Variants in EPB41L4A observed in about 807,000 individuals in gnomAD.
The protein encoded by EPB41L4A is erythrocyte membrane protein band 4.1 like 4A, also known as band 4.1-like protein 4A.
A neutral mutation model predicts 108.6 loss-of-function variants in EPB41L4A; 100 were observed. The observed-to-expected ratio is 0.92, with a 90% CI of 0.78 to 1.09. The LOEUF (loss-of-function observed/expected upper bound fraction) is 1.09, where lower values mean the gene tolerates loss of function less well. EPB41L4A is among the 50% of genes least tolerant of loss of function. The pLI is 0.00. For missense variants in EPB41L4A, 1,030 were observed against 842.7 expected (o/e 1.22, Z -2.75); for synonymous variants, 319 against 289.0 (o/e 1.10, Z -1.05).
intron 9 of EPB41L4A, chr5:112,256,977 C>T (rs1751143673): frequency 6.6e-6 from 1 of 152,142 alleles, no homozygotes; most frequent in Admixed American, 6.5e-5. Context: ...TGCATGAAAG[C>T]ATCTCTGAAT....
intron 1 of EPB41L4A, among the ~76,000 whole-genome samples, chr5:112,340,187 A>G (rs775051244): frequency 6.6e-6 from 1 of 152,182 alleles, no homozygotes; most frequent in Non-Finnish European, 1.5e-5. Context: ...GGAAAGGAAG[A>G]TCTACCCAAT....
At chr5:112,325,389 G>A (rs56293447) in intron 1 of EPB41L4A, among the ~76,000 whole-genome samples, 22,282 of 151,318 alleles carry the variant, frequency 0.15, 1,816 homozygotes, top group African/African-American at 0.2. Context: ...TGCAGTGAGC[G>A]GAGATAGCGC....
At chr5:112,312,555 A>G (rs955585506) in intron 1 of EPB41L4A, among the ~76,000 whole-genome samples, 4 of 152,186 alleles carry the variant, frequency 2.6e-5, no homozygotes, top group Non-Finnish European at 1.5e-5. Context: ...GAAATGCTGT[A>G]TTTCTGTCAC....
At chr5:112,215,436 G>A (rs2150323131) in intron 12 of EPB41L4A, among the ~76,000 whole-genome samples, 1 of 152,262 alleles carries the variant, frequency 6.6e-6, no homozygotes. Context: ...AATCAAGAGT[G>A]TCCAATTCAT....
intron 22 of EPB41L4A, among the ~76,000 whole-genome samples, chr5:112,167,474 A>C (rs1760320093): frequency 6.6e-6 from 1 of 152,182 alleles, no homozygotes. Context: ...TTCATTCTCT[A>C]GCTGCTGGGA....
intron 1 of EPB41L4A, among the ~76,000 whole-genome samples, chr5:112,346,562 A>G (rs926118381): frequency 6.6e-5 from 10 of 152,202 alleles, no homozygotes; most frequent in Admixed American, 4.6e-4. Context: ...AAGTGAAAGA[A>G]CTAATAAAAT....
intron 9 of EPB41L4A, among the ~76,000 whole-genome samples, chr5:112,244,499 C>T (rs988468068): frequency 2.0e-5 from 3 of 152,042 alleles, no homozygotes; most frequent in Non-Finnish European, 4.4e-5. Context: ...GAGAAAGAGA[C>T]GTCTGAAAAA....
chr5:112,364,132 T>C (rs1036990866), intron 1 of EPB41L4A, among the ~76,000 whole-genome samples: 5 of 152,182 alleles, frequency 3.3e-5, no homozygotes, highest in Admixed American at 3.3e-4. Flanking sequence ...GGTTAAGCAA[T>C]TCTTCAGCCT....
intron 1 of EPB41L4A, among the ~76,000 whole-genome samples, chr5:112,329,550 TA>T (rs1488518180): frequency 6.6e-6 from 1 of 152,182 alleles, no homozygotes; most frequent in Non-Finnish European, 1.5e-5. Context: ...CAACATCTAA[TA>T]CCAAGTCATC....
At chr5:112,201,479 A>T (rs1762217872) in intron 15 of EPB41L4A, among the ~76,000 whole-genome samples, 1 of 152,256 alleles carries the variant, frequency 6.6e-6, no homozygotes, top group African/African-American at 2.4e-5. Flanking sequence ...ATGCAAATTT[A>T]GCCATATTTT....
At chr5:112,273,380 A>G (rs1752404107) in intron 4 of EPB41L4A, among the ~76,000 whole-genome samples, 1 of 152,236 alleles carries the variant, frequency 6.6e-6, no homozygotes, top group Non-Finnish European at 1.5e-5. Context: ...AGCCATCAGT[A>G]GATTCTGTTG....
At chr5:112,283,370 T>G (rs1431452323) in intron 2 of EPB41L4A, among the ~76,000 whole-genome samples, 6 of 152,136 alleles carry the variant, frequency 3.9e-5, no homozygotes, top group Non-Finnish European at 8.8e-5. Context: ...GATCTTGAAA[T>G]GTAAAACCCA....
At chr5:112,203,141 G>A (rs1299788754) in intron 15 of EPB41L4A, among the ~76,000 whole-genome samples, 1 of 152,140 alleles carries the variant, frequency 6.6e-6, no homozygotes, top group Admixed American at 6.5e-5. Context: ...CTGAGGCAGA[G>A]GGATCACGAG....
intron 1 of EPB41L4A, among the ~76,000 whole-genome samples, chr5:112,409,587 C>T (rs1210721191): frequency 2.0e-5 from 3 of 152,090 alleles, no homozygotes; most frequent in Admixed American, 2.0e-4. Context: ...GAGAGAGATG[C>T]CTTCTCTTTC....
intron 1 of EPB41L4A, among the ~76,000 whole-genome samples, chr5:112,335,648 C>T (rs1756870646): frequency 6.6e-6 from 1 of 152,222 alleles, no homozygotes; most frequent in Non-Finnish European, 1.5e-5. Flanking sequence ...GAGGCATCTC[C>T]ACTACTGCAA....
At chr5:112,143,721 G>A (rs966406460) in exon 14 of EPB41L4A, 12 of 278,496 alleles carry the variant, frequency 4.3e-5, no homozygotes, top group African/African-American at 2.5e-4. Context: ...TTTCCCTATT[G>A]ACTCCAATAT....
intron 18 of EPB41L4A, among the ~76,000 whole-genome samples, chr5:112,181,781 C>A (rs1051451753): frequency 6.6e-6 from 1 of 152,058 alleles, no homozygotes; most frequent in Non-Finnish European, 1.5e-5. Context: ...TCATAGATAT[C>A]AGAACAGTGG....
chr5:112,349,574 G>A (rs761806842), intron 1 of EPB41L4A, among the ~76,000 whole-genome samples: 3 of 152,214 alleles, frequency 2.0e-5, no homozygotes, highest in Non-Finnish European at 4.4e-5. Context: ...GTTTCGGAAT[G>A]AGACTGAAAA....
At chr5:112,382,969 A>T (rs1251407568) in intron 1 of EPB41L4A, among the ~76,000 whole-genome samples, 3 of 152,206 alleles carry the variant, frequency 2.0e-5, no homozygotes, top group Non-Finnish European at 4.4e-5. Context: ...CGGAGCAAAC[A>T]AGTTGTAAGA....
Sources: allele counts gnomAD v4.1 joint callset (sites outside exome capture counted in the v4.1 genomes callset), GRCh38; gene constraint gnomAD v4.1.1; transcripts MANE v1.5; gene names NCBI Gene and HGNC (gene_info 2026-07-23, HGNC 2026-07-21).